HERC3: variants seen among roughly 807,000 people sequenced by gnomAD.
HERC3 encodes the protein probable E3 ubiquitin-protein ligase HERC3.
Under a neutral mutation model 129.9 loss-of-function variants are expected in HERC3, and 58 were observed. That is an observed-to-expected ratio of 0.45 (90% CI 0.36 to 0.56). The LOEUF (loss-of-function observed/expected upper bound fraction) is 0.56. HERC3 is among the 20% of genes least tolerant of loss of function. HERC3 has a pLI of 0.00. For missense variants in HERC3, 835 were observed against 1,244.2 expected (o/e 0.67, Z 4.95); for synonymous variants, 430 against 451.0 (o/e 0.95, Z 0.59).
At chr4:88,648,426 T>G (rs1728924617) in intron 3 of HERC3, among the ~76,000 whole-genome samples, 1 of 152,188 alleles carries the variant, frequency 6.6e-6, no homozygotes, top group South Asian at 2.1e-4. Flanking sequence ...ACTGCCCTTT[T>G]GCTCCCCTTG....
At chr4:88,679,709 G>T (rs1250046828) in intron 19 of HERC3, among the ~76,000 whole-genome samples, 1 of 152,010 alleles carries the variant, frequency 6.6e-6, no homozygotes, top group Non-Finnish European at 1.5e-5. Flanking sequence ...GTAGAGACAG[G>T]TTTTCACCAT....
At chr4:88,682,048 C>T (rs1331191416) in intron 21 of HERC3, among the ~76,000 whole-genome samples, 3 of 152,116 alleles carry the variant, frequency 2.0e-5, no homozygotes, top group Non-Finnish European at 4.4e-5. Context: ...TTTTAAACTG[C>T]CAAATAGTGT....
chr4:88,585,854 G>C, the HERC3 span, among the ~76,000 whole-genome samples: 3 of 152,008 alleles, frequency 2.0e-5, no homozygotes, highest in South Asian at 6.2e-4. Context: ...ATTTTTCTTT[G>C]TTTGTATTTC....
rs1560723047 is a variant in HERC3 at position 88,654,105 on chromosome 4, G to A, written c.749G>A (p.Gly250Glu). The change falls in exon 7 of 26, where the codon GGA (glycine) becomes GAA (glutamate). Residue 250 changes from glycine to glutamate, a missense_variant. Physicochemically the swap from Gly to Glu is moderately conservative, Grantham distance 98 (BLOSUM62 -2). Transcript: ENST00000402738. ...CAAAAAGTTGTCTATATTAGTTGTG[G>A]AGAAGAACACACAGCAGTTCTCACA... ...RTQKVVYISC[G>E]EEHTAVLTKS... 1 of 1,613,242 alleles carries A rather than the reference G, an allele frequency of 6.2e-7. No homozygotes were observed. The highest frequency in any genetic ancestry group is 8.5e-7 in the Non-Finnish European group (1 of 1,179,588).
At chr4:88,586,659 G>A in the HERC3 span, among the ~76,000 whole-genome samples, 3 of 152,058 alleles carry the variant, frequency 2.0e-5, no homozygotes, top group Non-Finnish European at 2.9e-5. Context: ...ACGCCTGGCC[G>A]AATAAGCCAC....
intron 1 of HERC3, among the ~76,000 whole-genome samples, chr4:88,595,239 T>G (rs1373144884): frequency 1.3e-5 from 2 of 152,158 alleles, no homozygotes; most frequent in Non-Finnish European, 2.9e-5. Flanking sequence ...CAAAATTTTC[T>G]CTAACAAAAA....
the HERC3 span, among the ~76,000 whole-genome samples, chr4:88,536,751 A>G: frequency 6.1e-5 from 8 of 131,366 alleles, no homozygotes; most frequent in Non-Finnish European, 1.2e-4. Context: ...CTGTGAAAAG[A>G]AAAGCACAAT....
chr4:88,611,487 A>G (rs1358474918), intron 3 of HERC3, among the ~76,000 whole-genome samples: 1 of 152,142 alleles, frequency 6.6e-6, no homozygotes, highest in African/African-American at 2.4e-5. Context: ...CCCCTTCCTT[A>G]AAAGAGGATT....
In HERC3 at chr4:88,687,262, C is replaced by A. The variant is rs1272971606; in HGVS notation, c.2620C>A (p.Pro874Thr). 1.2e-6 allele frequency: 2 copies of A among 1,612,804 alleles called. No homozygotes were observed. Among genetic ancestry groups the A allele is most frequent in the East Asian group, 4.5e-5 (2 of 44,834 alleles). ...YGVIEQKKLI[P>T]GGDNVTVCKD... is the part of the protein sequence containing the mutation. ...AGTGATTGAACAGAAGAAGCTGATA[C>A]CTGGGGGAGATAATGTAACTGTGTG... The change falls in exon 23 of 26, where the codon CCT becomes ACT. Residue 874 changes from proline to threonine, a missense_variant. Physicochemically the swap from Pro to Thr is conservative, Grantham distance 38. Coordinates refer to ENST00000402738, the MANE Select transcript of HERC3 (RefSeq NM_014606.3).
chr4:88,684,505 C>G (rs1213534686), intron 21 of HERC3, among the ~76,000 whole-genome samples: 1 of 151,818 alleles, frequency 6.6e-6, no homozygotes, highest in Admixed American at 6.6e-5. Flanking sequence ...AACCCAAAAC[C>G]CTAGAAGAAA....
intron 23 of HERC3, chr4:88,690,642 T>C (rs1248751178): frequency 2.0e-6 from 2 of 983,396 alleles, no homozygotes; most frequent in African/African-American, 3.5e-5. Context: ...CAATTGGCAA[T>C]GTAGTCTGCA....
chr4:88,650,282 G>T (rs1250484982), intron 4 of HERC3, among the ~76,000 whole-genome samples: 1 of 152,128 alleles, frequency 6.6e-6, no homozygotes, highest in African/African-American at 2.4e-5. Flanking sequence ...GAATAAAAAA[G>T]ACATCTTTCA....
chr4:88,629,240 C>T (rs1726474190), intron 3 of HERC3, among the ~76,000 whole-genome samples: 1 of 152,178 alleles, frequency 6.6e-6, no homozygotes, highest in South Asian at 2.1e-4. Context: ...AATTAAATAC[C>T]TGTAAACTAA....
At chr4:88,550,710 C>G in the HERC3 span, among the ~76,000 whole-genome samples, 1 of 149,340 alleles carries the variant, frequency 6.7e-6, no homozygotes, top group African/African-American at 2.4e-5. Flanking sequence ...CCATACTGCC[C>G]AAGGTAATTT....
chr4:88,697,638 G>C (rs771560957), intron 23 of HERC3: 8 of 1,613,612 alleles, frequency 5.0e-6, no homozygotes, highest in Non-Finnish European at 5.9e-6. Context: ...CACCAGCCGC[G>C]CTGTCACAGT....
At chr4:88,528,992 G>T in the HERC3 span, among the ~76,000 whole-genome samples, 1 of 152,056 alleles carries the variant, frequency 6.6e-6, no homozygotes, top group Non-Finnish European at 1.5e-5. Context: ...AATGAATAAA[G>T]TATTAATTTA....
Position 88,680,115 on chromosome 4 carries a change from C to A in HERC3, c.2219C>A (p.Ala740Glu). 1 of 1,612,064 alleles carries A rather than the reference C, an allele frequency of 6.2e-7. No individual in the cohort carries two copies. Among genetic ancestry groups the A allele is most frequent in the Non-Finnish European group, 8.5e-7 (1 of 1,179,212 alleles). ...PLKVIFDGEE[A>E]VDAGGVTKEF... ...AAGGTAATCTTTGATGGTGAAGAAG[C>A]AGTGGATGCCGGTGGTGTTACAAAG... Residue 740 changes from alanine to glutamate, a missense_variant, in exon 20 of 26, where the codon GCA becomes GAA. Ala to Glu is a moderately radical substitution (Grantham distance 107). Coordinates refer to ENST00000402738, the MANE Select transcript of HERC3 (RefSeq NM_014606.3).
Position 88,670,039 on chromosome 4 carries a change from G to A in HERC3, c.1797+16G>A. On this transcript the variant is annotated intron_variant, in intron 15 of 25. Coordinates refer to ENST00000402738, the MANE Select transcript of HERC3 (RefSeq NM_014606.3). ...GTTATATAAGGTGAGCATAGGAGGT[G>A]CTAGTGGGGAGGGGGTGATTAGATG... 6.2e-7 allele frequency: 1 copy of A among 1,611,968 alleles called. No individual in the cohort carries two copies. Among genetic ancestry groups the A allele is most frequent in the Non-Finnish European group, 8.5e-7 (1 of 1,178,156 alleles).
chr4:88,526,422 C>T, the HERC3 span, among the ~76,000 whole-genome samples: 48 of 152,310 alleles, frequency 3.2e-4, 1 homozygote, highest in South Asian at 9.5e-3. Context: ...CACTAGATGG[C>T]ATCATTTAGT....
Sources: allele counts gnomAD v4.1 joint callset (sites outside exome capture counted in the v4.1 genomes callset), GRCh38; gene constraint gnomAD v4.1.1; transcripts MANE v1.5; gene names NCBI Gene and HGNC (gene_info 2026-07-23, HGNC 2026-07-21).